The following ANAPC7 variants were observed in gnomAD, a reference collection of about 807,000 sequenced individuals.
ANAPC7 encodes the protein anaphase promoting complex subunit 7.
In ANAPC7, 25 loss-of-function variants were observed where a neutral mutation model predicts 63.3. The observed-to-expected ratio is 0.39, with a 90% CI of 0.29 to 0.55. The LOEUF is 0.55. ANAPC7 is among the 20% of genes least tolerant of loss of function. The pLI is 0.57. For synonymous variants in ANAPC7, 241 were observed against 251.7 expected (o/e 0.96, Z 0.40); for missense variants, 516 against 691.7 (o/e 0.75, Z 2.85).
intron 3 of ANAPC7, among the ~76,000 whole-genome samples, chr12:110,393,775 G>C (rs903296690): frequency 6.6e-6 from 1 of 151,102 alleles, no homozygotes; most frequent in East Asian, 1.9e-4. Flanking sequence ...ACTGAGGCAG[G>C]AGAACTGCTT....
chr12:110,381,402 T>A (rs1881833000), intron 8 of ANAPC7, among the ~76,000 whole-genome samples: 1 of 152,108 alleles, frequency 6.6e-6, no homozygotes, highest in African/African-American at 2.4e-5. Flanking sequence ...AGTGGCGCAA[T>A]CTTGGCTCAC....
At chr12:110,391,068 T>G (rs1189630377) in intron 3 of ANAPC7, among the ~76,000 whole-genome samples, 2 of 152,026 alleles carry the variant, frequency 1.3e-5, no homozygotes, top group African/African-American at 4.8e-5. Flanking sequence ...TACGCGCCTG[T>G]AGTACCAGCT....
chr12:110,379,417 T>G (rs1881609387), intron 8 of ANAPC7, among the ~76,000 whole-genome samples: 1 of 152,210 alleles, frequency 6.6e-6, no homozygotes, highest in Non-Finnish European at 1.5e-5. Context: ...ACTGGCCAAC[T>G]GGGAAACATC....
At chr12:110,398,049 T>A (rs1176309626) in intron 1 of ANAPC7, among the ~76,000 whole-genome samples, 4 of 151,832 alleles carry the variant, frequency 2.6e-5, no homozygotes, top group South Asian at 2.1e-4. Context: ...AGTTTGAGAC[T>A]AGCCTGGCCA....
intron 7 of ANAPC7, among the ~76,000 whole-genome samples, chr12:110,382,509 G>T (rs563113931): frequency 2.5e-5 from 3 of 119,216 alleles, no homozygotes; most frequent in African/African-American, 6.4e-5. Flanking sequence ...TAGAGACAGG[G>T]TCTTGCTACA....
Position 110,403,645 on chromosome 12 carries a change from C to T in ANAPC7, c.-18G>A. On this transcript the variant is annotated 5_prime_UTR_variant, in exon 1 of 11. Transcript: ENST00000455511. The stretch of plus-strand genomic sequence containing the variant: ...ACATTCATCCTGCTCTGCAAAGCCG[C>T]GGGCAGCGGCGGCAGCACTGACTCG... 6.3e-7 allele frequency: 1 copy of T among 1,579,404 alleles called. No individual in the cohort carries two copies. The highest frequency in any genetic ancestry group is 8.6e-7 in the Non-Finnish European group (1 of 1,162,276).
chr12:110,396,317 A>G lies in ANAPC7; in HGVS notation c.237T>C (p.Thr79=), dbSNP rs753808928. The G allele has an allele frequency of 2.5e-6, 4 of 1,613,930 alleles. No homozygotes were observed. Among genetic ancestry groups the G allele is most frequent in the Admixed American group, 1.7e-5 (1 of 59,956 alleles). ...TTCCAGTTGAAGGTCTCACTTTTGA[A>G]GTTTTACTTAGCGCTTTCTTCTGCT... ...ALQQKKALSK[T]SKVRPSTGNS... Residue 79 remains threonine, a synonymous_variant, in exon 2 of 11, where the codon ACT becomes ACC. Transcript: ENST00000455511.
intron 1 of ANAPC7, among the ~76,000 whole-genome samples, chr12:110,401,520 A>G (rs1347656926): frequency 6.6e-6 from 1 of 152,180 alleles, no homozygotes; most frequent in East Asian, 1.9e-4. Flanking sequence ...GGAGGAGGCA[A>G]CGCTGAGATG....
intron 8 of ANAPC7, 87 bp downstream of exon 8, chr12:110,381,665 G>C: frequency 7.6e-7 from 1 of 1,320,314 alleles, no homozygotes; most frequent in South Asian, 1.3e-5. Context: ...ACAGAGTTTG[G>C]GAAGTGCTGG....
rs151041709 is a variant in ANAPC7 at position 110,377,326 on chromosome 12, G to A, written c.1357+67C>T. The A allele has an allele frequency of 3.4e-5, 47 of 1,372,602 alleles. No individual in the cohort carries two copies. The African/African-American group carries it at 4.3e-4, about 13-fold the overall frequency. The allele number at this position is 1,372,602 out of a possible 1,614,324, so 85.0% of individuals were successfully genotyped here. On this transcript the variant is annotated intron_variant, in intron 9 of 10. Coordinates refer to ENST00000455511, the MANE Select transcript of ANAPC7 (RefSeq NM_016238.3). Reference sequence around the variant, plus strand: ...TCATCTGTAACTAGCTGGGACAAGGGGCTCCAACTGAGGTCAGGTTTTATA... The same window carrying A: ...TCATCTGTAACTAGCTGGGACAAGGAGCTCCAACTGAGGTCAGGTTTTATA...
At chr12:110,382,452 AAAAAAAAAAATATATATATATATATATAT>A (rs1257856203) in intron 7 of ANAPC7, among the ~76,000 whole-genome samples, 3 of 97,992 alleles carry the variant, frequency 3.1e-5, no homozygotes, top group Non-Finnish European at 6.1e-5. Context: ...AAAAAAAAAA[AAAAAAAAAAATATATATATATATATATAT>A]ATATATATAT....
chr12:110,386,446 A>C lies in ANAPC7; in HGVS notation c.698T>G (p.Leu233Trp). 6.2e-7 allele frequency: 1 copy of C among 1,612,640 alleles called. No individual in the cohort carries two copies. Among genetic ancestry groups the C allele is most frequent in the South Asian group, 1.1e-5 (1 of 90,638 alleles). ...TICSLEKKSL[L>W]RDNVDLLGSL... ...TCCCAATAGGTCCACGTTATCTCGC[A>C]ATAAGGATTTTTTCTCTAGTGAACT... Residue 233 changes from leucine to tryptophan, a missense_variant, in exon 6 of 11, where the codon TTG becomes TGG. Around this residue, in one of 4 missense-constraint regions of ANAPC7, gnomAD observed 199 missense variants for 249.3 expected, o/e 0.80. Coordinates refer to ENST00000455511, the MANE Select transcript of ANAPC7 (RefSeq NM_016238.3).
At chr12:110,389,881 G>A (rs1158936632) in intron 3 of ANAPC7, among the ~76,000 whole-genome samples, 5 of 151,566 alleles carry the variant, frequency 3.3e-5, no homozygotes, top group South Asian at 2.1e-4. Flanking sequence ...GCAGTGAGCC[G>A]AGATCGTGCC....
intron 1 of ANAPC7, among the ~76,000 whole-genome samples, chr12:110,400,174 T>C (rs374920125): frequency 4.6e-5 from 7 of 152,334 alleles, no homozygotes; most frequent in African/African-American, 1.7e-4. Flanking sequence ...TCTATGTATG[T>C]AGTGAGAAAT....
At chr12:110,385,991 A>G (rs1882414541) in intron 6 of ANAPC7, among the ~76,000 whole-genome samples, 1 of 152,166 alleles carries the variant, frequency 6.6e-6, no homozygotes, top group Admixed American at 6.5e-5. Context: ...CCCTAAAAGG[A>G]TATTATGGTT....
intron 1 of ANAPC7, among the ~76,000 whole-genome samples, chr12:110,398,292 C>A (rs144489946): frequency 6.6e-6 from 1 of 151,696 alleles, no homozygotes; most frequent in African/African-American, 2.4e-5. Context: ...GGTGCATGCC[C>A]GTAATCCCAG....
chr12:110,380,058 T>C (rs774995922), intron 8 of ANAPC7, among the ~76,000 whole-genome samples: 17 of 152,284 alleles, frequency 1.1e-4, no homozygotes, highest in Non-Finnish European at 7.4e-5. Flanking sequence ...CGAAAAAGAA[T>C]AGGCCTAACA....
At chr12:110,398,955 A>C (rs2137991767) in intron 1 of ANAPC7, among the ~76,000 whole-genome samples, 1 of 152,306 alleles carries the variant, frequency 6.6e-6, no homozygotes, top group African/African-American at 2.4e-5. Flanking sequence ...CTCCAAAAAC[A>C]AAAACAAAAA....
intron 3 of ANAPC7, among the ~76,000 whole-genome samples, chr12:110,392,575 G>A (rs1883190706): frequency 6.6e-6 from 1 of 152,052 alleles, no homozygotes; most frequent in Non-Finnish European, 1.5e-5. Context: ...AAATGAGCAA[G>A]GCAGGAGACA....
Sources: allele counts gnomAD v4.1 joint callset (sites outside exome capture counted in the v4.1 genomes callset), GRCh38; gene constraint gnomAD v4.1.1; regional missense constraint gnomAD v4.1.1; transcripts MANE v1.5; gene names NCBI Gene and HGNC (gene_info 2026-07-23, HGNC 2026-07-21).